The following AGBL4 variants were observed in gnomAD, a reference collection of about 807,000 sequenced individuals.
The protein encoded by AGBL4 is AGBL carboxypeptidase 4, also known as cytosolic carboxypeptidase 6.
In AGBL4, 58 loss-of-function variants were observed where a neutral mutation model predicts 66.4. The ratio of observed to expected loss-of-function variants is 0.87; its 90% confidence interval spans 0.71 to 1.09. The LOEUF is 1.09. Ranked by LOEUF, AGBL4 falls within the 50% of genes least tolerant of loss-of-function variation. AGBL4 has a pLI of 0.00. For missense variants in AGBL4, 579 were observed against 631.0 expected (o/e 0.92, Z 0.88); for synonymous variants, 234 against 222.9 (o/e 1.05, Z -0.44).
chr1:49,151,662 A>T (rs1646338035), intron 4 of AGBL4, among the ~76,000 whole-genome samples: 1 of 152,148 alleles, frequency 6.6e-6, no homozygotes, highest in African/African-American at 2.4e-5. Context: ...TTCTGGCGAA[A>T]AAAGACAGAG....
chr1:48,534,331 C>G, intron 13 of AGBL4, 38 bp from the exon 14 acceptor site: 1 of 1,527,848 alleles, frequency 6.5e-7, no homozygotes, highest in Non-Finnish European at 8.8e-7. Context: ...AGAAGACAGC[C>G]CATATACACA....
At chr1:49,217,420 A>G (rs533227800) in intron 4 of AGBL4, among the ~76,000 whole-genome samples, 1 of 151,884 alleles carries the variant, frequency 6.6e-6, no homozygotes, top group East Asian at 1.9e-4. Context: ...TTTTCTTTTT[A>G]TCTTGCTTAA....
intron 5 of AGBL4, among the ~76,000 whole-genome samples, chr1:49,040,924 G>A (rs1643924656): frequency 6.6e-6 from 1 of 151,982 alleles, no homozygotes; most frequent in Admixed American, 6.6e-5. Context: ...TTTATACACT[G>A]CAAATTATAC....
At chr1:49,177,148 A>G (rs1381975125) in intron 4 of AGBL4, among the ~76,000 whole-genome samples, 1 of 152,138 alleles carries the variant, frequency 6.6e-6, no homozygotes, top group Admixed American at 6.6e-5. Flanking sequence ...CTGAGTTCCA[A>G]TTCAGACTCT....
In AGBL4 at chr1:49,325,831, G is replaced by A. The variant is rs368072225; in HGVS notation, c.283-79967C>T. Among the ~76,000 whole-genome samples, 53 of 152,266 alleles carry A rather than the reference G, an allele frequency of 3.5e-4. 1 individual carries two copies. The South Asian group carries it at 9.5e-3, about 27-fold the overall frequency. ...GTGCTATCTATTCTCATGATAGTGA[G>A]TTCTCATTAGATCCGATCATTTAAA... On this transcript the variant is annotated intron_variant, in intron 3 of 13. Transcript: ENST00000371839.
rs1396981712 is a variant in AGBL4, at chr1:48,604,098, A to G, written c.952-13113T>C. ...CAGTGAGCCGAGTTGGCACCACCGC[A>G]CTACAGCCTGGGCTACGGAGCGAGA... On this transcript the variant is annotated intron_variant, in intron 9 of 13. Transcript: ENST00000371839. 2.6e-5 allele frequency among the ~76,000 whole-genome samples: 4 copies of G among 152,272 alleles called. No homozygotes were observed. In the East Asian group the frequency reaches 7.7e-4, roughly 29 times the overall value.
At chr1:49,855,791 A>C (rs1323695904) in intron 1 of AGBL4, among the ~76,000 whole-genome samples, 1 of 152,208 alleles carries the variant, frequency 6.6e-6, no homozygotes, top group African/African-American at 2.4e-5. Flanking sequence ...AAATTACTAC[A>C]TCAATAAAGC....
chr1:49,045,831 T>C (rs1571314707), intron 4 of AGBL4, 31 bp from the exon 5 acceptor site: 1 of 1,515,950 alleles, frequency 6.6e-7, no homozygotes, highest in Non-Finnish European at 8.9e-7. Flanking sequence ...AATTTGGGCA[T>C]ATGAGACATT....
At chr1:49,964,997 A>G (rs2148350442) in intron 1 of AGBL4, among the ~76,000 whole-genome samples, 1 of 152,336 alleles carries the variant, frequency 6.6e-6, no homozygotes, top group Non-Finnish European at 1.5e-5. Context: ...TATTAGAAAG[A>G]GCAAAAGCTT....
chr1:49,432,913 C>A (rs977757374), intron 3 of AGBL4, among the ~76,000 whole-genome samples: 1 of 152,126 alleles, frequency 6.6e-6, no homozygotes, highest in African/African-American at 2.4e-5. Context: ...CAGTTGCAGT[C>A]CCCAACCTTC....
chr1:49,915,232 TG>T (rs1270799933), intron 1 of AGBL4, among the ~76,000 whole-genome samples: 1 of 151,798 alleles, frequency 6.6e-6, no homozygotes, highest in Non-Finnish European at 1.5e-5. Context: ...TGTTGGACAG[TG>T]GGTGCAGGAC....
At chr1:49,731,407 T>G (rs1649438164) in intron 2 of AGBL4, among the ~76,000 whole-genome samples, 1 of 152,200 alleles carries the variant, frequency 6.6e-6, no homozygotes, top group African/African-American at 2.4e-5. Context: ...TACAAAGGCT[T>G]ATTTATTTAT....
At chr1:49,015,583 T>A (rs976616708) in intron 5 of AGBL4, among the ~76,000 whole-genome samples, 3 of 151,764 alleles carry the variant, frequency 2.0e-5, no homozygotes, top group African/African-American at 7.3e-5. Flanking sequence ...CCACCACGCC[T>A]GGCTAATTTT....
intron 1 of AGBL4, among the ~76,000 whole-genome samples, chr1:49,973,246 TA>T (rs1380275783): frequency 6.6e-6 from 1 of 152,188 alleles, no homozygotes. Flanking sequence ...TGCACAACCA[TA>T]AACAGCAGCC....
intron 4 of AGBL4, among the ~76,000 whole-genome samples, chr1:49,207,742 C>T (rs1648354807): frequency 6.6e-6 from 1 of 151,634 alleles, no homozygotes. Flanking sequence ...TAGCACATAC[C>T]ACCATGGCTG....
At chr1:49,657,273 T>A (rs1403616917) in intron 3 of AGBL4, among the ~76,000 whole-genome samples, 2 of 152,032 alleles carry the variant, frequency 1.3e-5, no homozygotes, top group Non-Finnish European at 2.9e-5. Context: ...TCAGAGAGAA[T>A]AAAATACCTA....
chr1:48,538,133 A>G (rs928620599), intron 12 of AGBL4, among the ~76,000 whole-genome samples: 5 of 152,178 alleles, frequency 3.3e-5, no homozygotes, highest in Admixed American at 6.5e-5. Context: ...GGGACAGGGT[A>G]TCAGAATACC....
At chr1:49,998,726 T>A (rs919674390) in intron 1 of AGBL4, among the ~76,000 whole-genome samples, 2 of 152,118 alleles carry the variant, frequency 1.3e-5, no homozygotes, top group African/African-American at 2.4e-5. Flanking sequence ...ATCAAAAAGA[T>A]AATCCACCAT....
At chr1:48,939,280 C>T (rs1246954027) in intron 5 of AGBL4, among the ~76,000 whole-genome samples, 1 of 152,232 alleles carries the variant, frequency 6.6e-6, no homozygotes, top group East Asian at 1.9e-4. Flanking sequence ...CTGATAAAGA[C>T]AAAATCACAT....
Sources: gnomAD v4.1 joint callset for allele counts (sites outside exome capture counted in the v4.1 genomes callset) on GRCh38, gnomAD v4.1.1 for gene constraint, MANE v1.5 for transcripts, NCBI Gene and HGNC (gene_info 2026-07-23, HGNC 2026-07-21) for gene names.